Variants in ACBD6 observed in about 807,000 individuals in gnomAD.
The protein encoded by ACBD6 is acyl-CoA binding domain containing 6.
In ACBD6, 28 loss-of-function variants were observed where a neutral mutation model predicts 37.2. The observed-to-expected ratio is 0.75, with a 90% CI of 0.56 to 1.03. ACBD6 has a LOEUF of 1.03. Among genes scored for constraint, ACBD6 ranks in the 50% least tolerant of loss-of-function variants. The pLI is 0.00. For synonymous variants in ACBD6, 113 were observed against 126.8 expected (o/e 0.89, Z 0.73); for missense variants, 340 against 337.4 (o/e 1.01, Z -0.06).
At chr1:180,311,473 T>C (rs1004284992) in intron 7 of ACBD6, among the ~76,000 whole-genome samples, 1 of 152,218 alleles carries the variant, frequency 6.6e-6, no homozygotes, top group Non-Finnish European at 1.5e-5. Context: ...GGTCTTACTC[T>C]GTCAACCAAG....
At chr1:180,315,551 T>C (rs1408414357) in intron 6 of ACBD6, among the ~76,000 whole-genome samples, 1 of 152,180 alleles carries the variant, frequency 6.6e-6, no homozygotes, top group East Asian at 1.9e-4. Context: ...TCTGAATAAC[T>C]TGGAAGGGTG....
rs1553301936 is a variant in ACBD6 at position 180,392,281 on chromosome 1, G to GTGTA, written c.663+5231_663+5234dup. Among the ~76,000 whole-genome samples, 501 of 134,688 alleles carry GTGTA rather than the reference G, an allele frequency of 3.7e-3. 3 individuals carry two copies. The highest frequency in any genetic ancestry group is 0.014 in the South Asian group (62 of 4,488). 88.4% of individuals were successfully genotyped at this position (134,688 alleles called of 152,430 possible). On this transcript the variant is annotated intron_variant, in intron 6 of 7. Coordinates refer to ENST00000367595, the MANE Select transcript of ACBD6 (RefSeq NM_032360.4). Reference sequence around the variant, plus strand: ...TGTATAGATGTGTGTGTGTGTGTGTGTGTATGTATGTAAAACACACTGTGC... The same window carrying GTGTA: ...TGTATAGATGTGTGTGTGTGTGTGTGTGTATGTATGTATGTAAAACACACTGTGC...
intron 5 of ACBD6, among the ~76,000 whole-genome samples, chr1:180,406,330 A>G (rs769926315): frequency 6.6e-6 from 1 of 152,114 alleles, no homozygotes; most frequent in Non-Finnish European, 1.5e-5. Flanking sequence ...GCTCCAAAGA[A>G]CATTTCCTTG....
intron 5 of ACBD6, among the ~76,000 whole-genome samples, chr1:180,411,707 C>T (rs558665268): frequency 6.6e-6 from 1 of 152,210 alleles, no homozygotes; most frequent in East Asian, 1.9e-4. Context: ...GCTCTGTTGC[C>T]CAGGCTGGAG....
At chr1:180,396,356 T>TG (rs1200976024) in intron 6 of ACBD6, among the ~76,000 whole-genome samples, 1 of 152,196 alleles carries the variant, frequency 6.6e-6, no homozygotes, top group Admixed American at 6.5e-5. Flanking sequence ...CCTTAGGTTC[T>TG]GGAAAGGGGT....
intron 6 of ACBD6, among the ~76,000 whole-genome samples, chr1:180,382,677 G>C (rs947424628): frequency 2.0e-5 from 3 of 151,952 alleles, no homozygotes; most frequent in Non-Finnish European, 4.4e-5. Flanking sequence ...AAAACTTAAA[G>C]AGGAAGGCAT....
chr1:180,274,729 T>A, exon 10 of ACBD6: 3 of 910,602 alleles, frequency 3.3e-6, no homozygotes, highest in Non-Finnish European at 4.9e-6. Flanking sequence ...TAGAAGGCTG[T>A]GAGACCACAC....
intron 6 of ACBD6, among the ~76,000 whole-genome samples, chr1:180,379,859 C>T (rs987503601): frequency 6.6e-6 from 1 of 152,098 alleles, no homozygotes; most frequent in East Asian, 1.9e-4. Flanking sequence ...TGAAAATTTC[C>T]CAAGTCTAGC....
intron 1 of ACBD6, 36 bp from the exon 2 acceptor site, chr1:180,495,561 C>T: frequency 6.7e-7 from 1 of 1,496,318 alleles, no homozygotes; most frequent in South Asian, 1.1e-5. Context: ...ACTTATTTTT[C>T]AAAGAAATGT....
intron 3 of ACBD6, among the ~76,000 whole-genome samples, chr1:180,483,690 C>A (rs773494710): frequency 2.0e-5 from 3 of 152,066 alleles, no homozygotes. Context: ...ATTATATATG[C>A]AAAATACATA....
At chr1:180,491,436 C>T (rs1267506089) in intron 3 of ACBD6, among the ~76,000 whole-genome samples, 1 of 152,134 alleles carries the variant, frequency 6.6e-6, no homozygotes, top group Non-Finnish European at 1.5e-5. Flanking sequence ...TTTAAGTGAA[C>T]AATATCCAAT....
chr1:180,371,949 A>G (rs1653279343), intron 6 of ACBD6, among the ~76,000 whole-genome samples: 1 of 152,206 alleles, frequency 6.6e-6, no homozygotes, highest in South Asian at 2.1e-4. Flanking sequence ...TACAAGGTCA[A>G]CAACTGCAGA....
At chr1:180,358,447 CAAAA>C (rs10707996) in intron 6 of ACBD6, among the ~76,000 whole-genome samples, 39 of 149,678 alleles carry the variant, frequency 2.6e-4, no homozygotes, top group Admixed American at 1.8e-3. Context: ...ACAACAACAA[CAAAA>C]AAAAAAAACC....
intron 10 of ACBD6, chr1:180,274,530 C>T: frequency 6.2e-7 from 1 of 1,604,934 alleles, no homozygotes; most frequent in Non-Finnish European, 8.5e-7. Context: ...CCCGACTTTC[C>T]AACTAGCCCA....
chr1:180,475,132 G>T (rs1192605046), intron 3 of ACBD6, among the ~76,000 whole-genome samples: 1 of 152,184 alleles, frequency 6.6e-6, no homozygotes, highest in Non-Finnish European at 1.5e-5. Context: ...AGTGAAAGGT[G>T]GTGTTATTTT....
At chr1:180,377,985 C>T (rs1653502936) in intron 6 of ACBD6, among the ~76,000 whole-genome samples, 1 of 115,056 alleles carries the variant, frequency 8.7e-6, no homozygotes. Context: ...ATAATAATAG[C>T]CATAAGTTTG....
At chr1:180,296,759 C>T (rs1394541999) in intron 7 of ACBD6, among the ~76,000 whole-genome samples, 1 of 152,004 alleles carries the variant, frequency 6.6e-6, no homozygotes, top group Non-Finnish European at 1.5e-5. Flanking sequence ...ACAAATCAGC[C>T]TCATACTGGA....
intron 9 of ACBD6, among the ~76,000 whole-genome samples, chr1:180,281,140 A>G (rs1649295449): frequency 6.6e-6 from 1 of 152,196 alleles, no homozygotes; most frequent in Admixed American, 6.5e-5. Context: ...CACAAAGGAG[A>G]GAAGATCTGG....
At chr1:180,338,872 G>A (rs1008646415) in intron 6 of ACBD6, among the ~76,000 whole-genome samples, 3 of 152,002 alleles carry the variant, frequency 2.0e-5, no homozygotes, top group South Asian at 2.1e-4. Context: ...TGGGCAAAGG[G>A]TATCAATAGA....
Sources: allele counts gnomAD v4.1 joint callset (sites outside exome capture counted in the v4.1 genomes callset), GRCh38; gene constraint gnomAD v4.1.1; transcripts MANE v1.5; gene names NCBI Gene and HGNC (gene_info 2026-07-23, HGNC 2026-07-21).